Variants in MMP26 observed in about 807,000 individuals in gnomAD.
The protein encoded by MMP26 is matrix metallopeptidase 26, also known as matrix metalloproteinase-26.
In MMP26, 33 loss-of-function variants were observed where a neutral mutation model predicts 31.0. That is an observed-to-expected ratio of 1.06 (90% CI 0.81 to 1.42). The LOEUF is 1.42. Ranked by LOEUF, MMP26 falls within the 40% of genes most tolerant of loss-of-function variation. MMP26 has a pLI of 0.00. For synonymous variants in MMP26, 122 were observed against 114.9 expected, an observed-to-expected ratio of 1.06 and a Z score of -0.40; for missense variants, 347 against 316.1, an observed-to-expected ratio of 1.10 and a Z score of -0.74.
At chr11:4,862,054 A>G (rs894389152) in intron 2 of MMP26, among the ~76,000 whole-genome samples, 4 of 152,052 alleles carry the variant, frequency 2.6e-5, no homozygotes, top group Non-Finnish European at 5.9e-5. Context: ...CTGATGTAGA[A>G]TTTCTACATG....
chr11:4,716,331 T>G (rs1432349480), intron 1 of MMP26, among the ~76,000 whole-genome samples: 1 of 152,202 alleles, frequency 6.6e-6, no homozygotes, highest in African/African-American at 2.4e-5. Context: ...AGTCACTGAA[T>G]TTTTAGTAAT....
At chr11:4,901,800 C>T (rs529289558) in intron 2 of MMP26, among the ~76,000 whole-genome samples, 19 of 152,138 alleles carry the variant, frequency 1.2e-4, no homozygotes, top group Admixed American at 9.8e-4. Flanking sequence ...TGCCAATATA[C>T]TTGCATTTCA....
In MMP26 at chr11:4,956,800, A is replaced by T. The variant is rs1302749457; in HGVS notation, c.-144-31268A>T. On this transcript the variant is annotated intron_variant, in intron 2 of 7. Transcript: ENST00000380390. ...CTTCCTAGTTTAAGGGACCTACTTC[A>T]GTAATAAGCCTTTAAGAATTTGCAA... Among the ~76,000 whole-genome samples, 3 of 152,312 alleles carry T rather than the reference A, an allele frequency of 2.0e-5. No homozygotes were observed. The East Asian group carries it at 5.8e-4, about 29-fold the overall frequency.
intron 2 of MMP26, among the ~76,000 whole-genome samples, chr11:4,977,620 C>G (rs548084938): frequency 1.3e-5 from 2 of 152,080 alleles, no homozygotes. Context: ...GCAGTTCAAC[C>G]GTTGCACACT....
At chr11:4,944,363 T>A (rs1846262465) in intron 2 of MMP26, 1 of 158,646 alleles carries the variant, frequency 6.3e-6, no homozygotes, top group South Asian at 1.7e-4. Flanking sequence ...TCTCTTCAAC[T>A]AAAATAAATA....
chr11:4,896,333 C>T (rs1850703470), intron 2 of MMP26, among the ~76,000 whole-genome samples: 1 of 152,176 alleles, frequency 6.6e-6, no homozygotes, highest in Non-Finnish European at 1.5e-5. Flanking sequence ...ACCGCTGATT[C>T]CTTGATCTAT....
At chr11:4,803,345 T>G in intron 2 of MMP26, 1 of 929,012 alleles carries the variant, frequency 1.1e-6, no homozygotes, top group Non-Finnish European at 1.6e-6. Context: ...GCTGACTTAG[T>G]GATAATAAGT....
At chr11:4,831,164 A>T (rs1849641045) in intron 2 of MMP26, among the ~76,000 whole-genome samples, 1 of 151,978 alleles carries the variant, frequency 6.6e-6, no homozygotes, top group Non-Finnish European at 1.5e-5. Context: ...GCTGAATGCA[A>T]TCTCCTCTTT....
intron 2 of MMP26, among the ~76,000 whole-genome samples, chr11:4,975,262 G>A (rs1253780183): frequency 6.6e-6 from 1 of 152,026 alleles, no homozygotes; most frequent in African/African-American, 2.4e-5. Flanking sequence ...CAAAATCAGA[G>A]GAGGGCAATG....
At chr11:4,970,342 C>T (rs920859075) in intron 2 of MMP26, among the ~76,000 whole-genome samples, 1 of 152,112 alleles carries the variant, frequency 6.6e-6, no homozygotes, top group Non-Finnish European at 1.5e-5. Context: ...AAGCTGTGGG[C>T]TACCTTTTAG....
chr11:4,799,594 C>G (rs1225061603), intron 2 of MMP26, among the ~76,000 whole-genome samples: 1 of 152,138 alleles, frequency 6.6e-6, no homozygotes, highest in Non-Finnish European at 1.5e-5. Context: ...TTATGTCCTT[C>G]TCACGTTGCA....
chr11:4,933,055 G>T (rs960617718), intron 2 of MMP26, among the ~76,000 whole-genome samples: 1 of 152,120 alleles, frequency 6.6e-6, no homozygotes, highest in Non-Finnish European at 1.5e-5. Flanking sequence ...TGTATGTATG[G>T]TTTTCTAGAA....
At chr11:4,946,312 G>A (rs759820817) in intron 2 of MMP26, 1 of 1,613,908 alleles carries the variant, frequency 6.2e-7, no homozygotes, top group Non-Finnish European at 8.5e-7. Context: ...GGGCAAAGCG[G>A]TGGACAACGG....
At chr11:4,898,150 T>C (rs1003520381) in intron 2 of MMP26, among the ~76,000 whole-genome samples, 3 of 151,816 alleles carry the variant, frequency 2.0e-5, no homozygotes, top group Admixed American at 2.0e-4. Context: ...TGCAAACATA[T>C]ATATTTTACT....
chr11:4,956,311 G>A (rs547131908), intron 2 of MMP26, among the ~76,000 whole-genome samples: 2 of 152,246 alleles, frequency 1.3e-5, no homozygotes, highest in South Asian at 2.1e-4. Flanking sequence ...AGTGGCTCTC[G>A]GGTCACAGAG....
chr11:4,774,122 C>T (rs1848761471), intron 2 of MMP26, among the ~76,000 whole-genome samples: 1 of 152,120 alleles, frequency 6.6e-6, no homozygotes, highest in African/African-American at 2.4e-5. Context: ...TTCTTTGTAA[C>T]AGAATAATTT....
At chr11:4,836,218 A>G (rs1382790911) in intron 2 of MMP26, among the ~76,000 whole-genome samples, 2 of 152,050 alleles carry the variant, frequency 1.3e-5, no homozygotes, top group Admixed American at 1.3e-4. Flanking sequence ...TAAAGCTATA[A>G]TAAATAAGTG....
intron 2 of MMP26, among the ~76,000 whole-genome samples, chr11:4,917,335 A>G (rs1851111860): frequency 6.6e-6 from 1 of 152,182 alleles, no homozygotes; most frequent in African/African-American, 2.4e-5. Context: ...CAAAAATAGG[A>G]TTTGAACGAA....
At chr11:4,829,028 C>G (rs1373617742) in intron 2 of MMP26, among the ~76,000 whole-genome samples, 1 of 152,072 alleles carries the variant, frequency 6.6e-6, no homozygotes, top group Non-Finnish European at 1.5e-5. Context: ...TCTAGGGGAC[C>G]TAAGGCTTTA....
Sources: allele counts gnomAD v4.1 joint callset (sites outside exome capture counted in the v4.1 genomes callset), GRCh38; gene constraint gnomAD v4.1.1; transcripts MANE v1.5; gene names NCBI Gene and HGNC (gene_info 2026-07-23, HGNC 2026-07-21).